ZMYND8: variants seen among roughly 807,000 people sequenced by gnomAD.
ZMYND8 encodes MYND-type zinc finger-containing chromatin reader ZMYND8.
In ZMYND8, 37 loss-of-function variants were observed where a neutral mutation model predicts 140.8. The observed-to-expected ratio is 0.26, with a 90% CI of 0.20 to 0.35. The LOEUF (loss-of-function observed/expected upper bound fraction) is 0.35, where lower values mean the gene tolerates loss of function less well. ZMYND8 is among the 10% of genes least tolerant of loss of function. The probability of loss-of-function intolerance (pLI) is 1.00; values close to 1 mark genes in which losing one functional copy is unlikely to be tolerated. For missense variants in ZMYND8, 1,068 were observed against 1,570.0 expected (o/e 0.68, Z 5.40); for synonymous variants, 592 against 597.1 (o/e 0.99, Z 0.12).
intron 11 of ZMYND8, among the ~76,000 whole-genome samples, chr20:47,275,598 T>C (rs1456705831): frequency 6.6e-6 from 1 of 152,116 alleles, no homozygotes; most frequent in African/African-American, 2.4e-5. Flanking sequence ...TACCTTTTTT[T>C]GTTTTTGTTT....
intron 2 of ZMYND8, chr20:47,319,828 A>T (rs1349203072): frequency 6.6e-6 from 1 of 151,750 alleles, no homozygotes; most frequent in Admixed American, 6.6e-5. Context: ...GCAGGATCCG[A>T]CTCCCTGTGA....
intron 2 of ZMYND8, among the ~76,000 whole-genome samples, chr20:47,331,402 A>G (rs536036906): frequency 2.6e-5 from 4 of 152,346 alleles, no homozygotes; most frequent in Non-Finnish European, 5.9e-5. Context: ...GAATGAGTCC[A>G]TATCTCTGGG....
chr20:47,353,199 C>CT (rs1286046367), intron 1 of ZMYND8: 1 of 152,168 alleles, frequency 6.6e-6, no homozygotes, highest in African/African-American at 2.4e-5. Flanking sequence ...TAAAAAGTGT[C>CT]TCCCCCCTCA....
chr20:47,263,092 C>T (rs1326475626), intron 11 of ZMYND8, among the ~76,000 whole-genome samples: 1 of 152,190 alleles, frequency 6.6e-6, no homozygotes, highest in African/African-American at 2.4e-5. Context: ...CTGCTTCTCC[C>T]CTGCCTCATT....
intron 9 of ZMYND8, 34 bp from the exon 10 acceptor site, chr20:47,282,251 CA>C (rs1448084156): frequency 6.3e-7 from 1 of 1,582,838 alleles, no homozygotes; most frequent in African/African-American, 1.4e-5. Flanking sequence ...AGAGTTTGTA[CA>C]TATTTGACAG....
intron 12 of ZMYND8, among the ~76,000 whole-genome samples, chr20:47,261,342 G>A (rs545225098): frequency 6.6e-6 from 1 of 152,172 alleles, no homozygotes; most frequent in South Asian, 2.1e-4. Context: ...TTCAAGACCA[G>A]CCTGGGCAAC....
At chr20:47,219,110 C>A (rs1201484748) in intron 21 of ZMYND8, among the ~76,000 whole-genome samples, 1 of 139,974 alleles carries the variant, frequency 7.1e-6, no homozygotes. Flanking sequence ...CAGGCTGGAG[C>A]GCAGTGGCAC....
At chr20:47,257,652 T>A (rs955297308) in intron 12 of ZMYND8, among the ~76,000 whole-genome samples, 2 of 151,988 alleles carry the variant, frequency 1.3e-5, no homozygotes, top group African/African-American at 2.4e-5. Flanking sequence ...ATACATATAC[T>A]CATACCATAT....
At chr20:47,269,131 G>A (rs567823035) in intron 11 of ZMYND8, among the ~76,000 whole-genome samples, 9 of 152,076 alleles carry the variant, frequency 5.9e-5, no homozygotes, top group Non-Finnish European at 7.4e-5. Flanking sequence ...CCTGGGAGGC[G>A]GAGGTTGCAG....
At chr20:47,296,207 T>C (rs755056132) in intron 4 of ZMYND8, among the ~76,000 whole-genome samples, 1 of 152,160 alleles carries the variant, frequency 6.6e-6, no homozygotes, top group African/African-American at 2.4e-5. Context: ...AGGTAACTTA[T>C]CCATGGCAAA....
At chr20:47,251,060 T>C (rs911084764) in intron 12 of ZMYND8, among the ~76,000 whole-genome samples, 1 of 151,604 alleles carries the variant, frequency 6.6e-6, no homozygotes, top group Non-Finnish European at 1.5e-5. Context: ...AAGAGATGGG[T>C]CTTTTCCTAA....
Position 47,210,688 on chromosome 20 carries a change from T to G in ZMYND8, c.*73A>C. On this transcript the variant is annotated 3_prime_UTR_variant, in exon 23 of 23. Coordinates refer to ENST00000471951, the MANE Select transcript of ZMYND8 (RefSeq NM_001281775.3). ...TCTGAAAGTGGCTGTTCTCCTGCCT[T>G]TGTTGTTTCTTCTTTTCCTGGCGTC... 3 of 1,610,258 alleles carry G rather than the reference T, an allele frequency of 1.9e-6. No individual in the cohort carries two copies. The highest frequency in any genetic ancestry group is 1.7e-6 in the Non-Finnish European group (2 of 1,177,124).
chr20:47,212,809 T>A, intron 21 of ZMYND8, 84 bp from the exon 22 acceptor site: 1 of 1,261,310 alleles, frequency 7.9e-7, no homozygotes. Context: ...TTTTTGTTCA[T>A]CAACAGGCTA....
At chr20:47,221,209 A>G in intron 20 of ZMYND8, 105 bp downstream of exon 20, 1 of 1,465,554 alleles carries the variant, frequency 6.8e-7, no homozygotes, top group Non-Finnish European at 9.2e-7. Flanking sequence ...CTGTTAGGAC[A>G]AGCCTCCCAC....
Position 47,210,694 on chromosome 20 carries a change from T to C in ZMYND8, c.*67A>G, listed in dbSNP as rs1555845934. 1.9e-6 allele frequency: 3 copies of C among 1,613,222 alleles called. No individual in the cohort carries two copies. Among genetic ancestry groups the C allele is most frequent in the Admixed American group, 1.7e-5 (1 of 59,966 alleles). On this transcript the variant is annotated 3_prime_UTR_variant, in exon 23 of 23. Coordinates refer to ENST00000471951, the MANE Select transcript of ZMYND8 (RefSeq NM_001281775.3). ...AGTGGCTGTTCTCCTGCCTTTGTTG[T>C]TTCTTCTTTTCCTGGCGTCTGGGTT... is the stretch of plus-strand genomic sequence containing the variant.
intron 11 of ZMYND8, among the ~76,000 whole-genome samples, chr20:47,268,027 C>T (rs1198327578): frequency 6.6e-6 from 1 of 152,196 alleles, no homozygotes; most frequent in Non-Finnish European, 1.5e-5. Flanking sequence ...AGGATCTGCG[C>T]TGGCCAGCAG....
intron 2 of ZMYND8, among the ~76,000 whole-genome samples, chr20:47,330,432 G>A (rs981596940): frequency 6.9e-6 from 1 of 145,390 alleles, no homozygotes; most frequent in African/African-American, 2.6e-5. Flanking sequence ...TTGAACTCCT[G>A]GGCTTAAGCT....
At chr20:47,286,321 G>A (rs1055720183) in intron 8 of ZMYND8, among the ~76,000 whole-genome samples, 3 of 151,892 alleles carry the variant, frequency 2.0e-5, no homozygotes, top group African/African-American at 7.3e-5. Context: ...TAGGATTACA[G>A]GCATGTTCCA....
chr20:47,304,222 G>A (rs1485713994), intron 3 of ZMYND8, among the ~76,000 whole-genome samples: 1 of 152,124 alleles, frequency 6.6e-6, no homozygotes, highest in Non-Finnish European at 1.5e-5. Context: ...TTATTTCCCT[G>A]CTTCCATAGG....
Sources: gnomAD v4.1 joint callset for allele counts (sites outside exome capture counted in the v4.1 genomes callset) on GRCh38, gnomAD v4.1.1 for gene constraint, MANE v1.5 for transcripts, NCBI Gene and HGNC (gene_info 2026-07-23, HGNC 2026-07-21) for gene names.